Variants in TP63 observed in about 807,000 individuals in gnomAD.
TP63 encodes the protein tumor protein 63.
In TP63, 17 loss-of-function variants were observed where a neutral mutation model predicts 82.8. That is an observed-to-expected ratio of 0.21 (90% CI 0.14 to 0.31). The LOEUF is 0.31. Among genes scored for constraint, TP63 ranks in the 10% least tolerant of loss-of-function variants. The pLI is 1.00. For synonymous variants in TP63, 330 were observed against 321.7 expected (o/e 1.03, Z -0.28); for missense variants, 648 against 895.3 (o/e 0.72, Z 3.52).
At chr3:189,813,115 C>T (rs940249839) in intron 4 of TP63, among the ~76,000 whole-genome samples, 2 of 152,118 alleles carry the variant, frequency 1.3e-5, no homozygotes, top group African/African-American at 2.4e-5. Context: ...TTTTGACATT[C>T]GTTCCTCATT....
chr3:189,798,446 A>C (rs1357847907), intron 3 of TP63, among the ~76,000 whole-genome samples: 1 of 152,074 alleles, frequency 6.6e-6, no homozygotes, highest in East Asian at 1.9e-4. Flanking sequence ...AATTAGTGTA[A>C]AGTATGTGCT....
At chr3:189,855,538 C>T (rs1431222552) in intron 4 of TP63, among the ~76,000 whole-genome samples, 2 of 152,026 alleles carry the variant, frequency 1.3e-5, no homozygotes, top group Non-Finnish European at 2.9e-5. Context: ...TTATACTATT[C>T]TACTAAAAAG....
At chr3:189,823,482 C>G (rs1284807232) in intron 4 of TP63, among the ~76,000 whole-genome samples, 1 of 152,122 alleles carries the variant, frequency 6.6e-6, no homozygotes, top group African/African-American at 2.4e-5. Context: ...TGGAGCTGAG[C>G]ACTCAGTCGG....
At chr3:189,616,324 A>G in the TP63 span, among the ~76,000 whole-genome samples, 1 of 152,210 alleles carries the variant, frequency 6.6e-6, no homozygotes, top group Non-Finnish European at 1.5e-5. Context: ...GTAGACAGCA[A>G]AGCCCTAATT....
At chr3:189,805,674 G>T (rs753018142) in intron 3 of TP63, among the ~76,000 whole-genome samples, 3 of 152,306 alleles carry the variant, frequency 2.0e-5, no homozygotes, top group East Asian at 1.9e-4. Context: ...AGGCCAGTGA[G>T]TGTGCAAAGG....
chr3:189,649,828 GAACAGGGAAA>G (rs1712741891), intron 1 of TP63, among the ~76,000 whole-genome samples: 1 of 146,744 alleles, frequency 6.8e-6, no homozygotes, highest in African/African-American at 2.6e-5. Context: ...GAGTGAATAA[GAACAGGGAAA>G]TAGGAGAAGA....
At chr3:189,609,739 C>T in the TP63 span, among the ~76,000 whole-genome samples, 1 of 152,192 alleles carries the variant, frequency 6.6e-6, no homozygotes, top group Non-Finnish European at 1.5e-5. Context: ...GCGTAATATT[C>T]CATGGTGTAT....
At chr3:189,627,305 T>C (rs577093078), upstream of TP63, among the ~76,000 whole-genome samples, 13 of 152,312 alleles carry the variant, frequency 8.5e-5, no homozygotes, top group African/African-American at 3.1e-4. Flanking sequence ...ATTTCATTCT[T>C]AATAGCTAAA....
At chr3:189,678,540 T>G (rs1715642041) in intron 1 of TP63, among the ~76,000 whole-genome samples, 1 of 152,122 alleles carries the variant, frequency 6.6e-6, no homozygotes, top group South Asian at 2.1e-4. Flanking sequence ...TTTGTTCTTT[T>G]TGCTAAGGAT....
At chr3:189,771,184 A>G (rs1723311036) in intron 3 of TP63, among the ~76,000 whole-genome samples, 1 of 149,844 alleles carries the variant, frequency 6.7e-6, no homozygotes, top group African/African-American at 2.5e-5. Flanking sequence ...CAGGAGCTCC[A>G]AGTTGAATGA....
At chr3:189,693,470 T>C (rs1396755273) in intron 1 of TP63, among the ~76,000 whole-genome samples, 2 of 152,146 alleles carry the variant, frequency 1.3e-5, no homozygotes, top group Non-Finnish European at 2.9e-5. Context: ...ACCTGAACCA[T>C]GAATCTTTAT....
intron 12 of TP63, among the ~76,000 whole-genome samples, chr3:189,890,419 A>T (rs1462291805): frequency 6.6e-6 from 1 of 152,188 alleles, no homozygotes; most frequent in East Asian, 1.9e-4. Flanking sequence ...TAAAGTAGAG[A>T]TGTTCTTTTT....
intron 1 of TP63, among the ~76,000 whole-genome samples, chr3:189,709,418 AT>A (rs527440201): frequency 0.013 from 2,022 of 151,998 alleles, 46 homozygotes; most frequent in African/African-American, 0.046. Flanking sequence ...CCTATTTATG[AT>A]TTTTTTCTTT....
At chr3:189,851,311 C>A (rs1715596137) in intron 4 of TP63, among the ~76,000 whole-genome samples, 1 of 152,174 alleles carries the variant, frequency 6.6e-6, no homozygotes, top group African/African-American at 2.4e-5. Flanking sequence ...GTAATCCCAG[C>A]ACTTTGGGAG....
intron 3 of TP63, among the ~76,000 whole-genome samples, chr3:189,795,221 T>C (rs1725573759): frequency 1.3e-5 from 2 of 152,216 alleles, no homozygotes; most frequent in Non-Finnish European, 1.5e-5. Context: ...CAGCCACAAA[T>C]CATTTTGATT....
At chr3:189,762,266 G>A (rs779899973) in intron 3 of TP63, among the ~76,000 whole-genome samples, 1 of 152,128 alleles carries the variant, frequency 6.6e-6, no homozygotes, top group Non-Finnish European at 1.5e-5. Flanking sequence ...AACATATTTT[G>A]GTATAAAATA....
chr3:189,837,817 G>T (rs776309227), intron 4 of TP63, among the ~76,000 whole-genome samples: 42 of 152,022 alleles, frequency 2.8e-4, no homozygotes, highest in South Asian at 1.5e-3. Flanking sequence ...AGGGACAGGG[G>T]TTTTGCCATG....
At chr3:189,678,356 C>G (rs1230056500) in intron 1 of TP63, among the ~76,000 whole-genome samples, 1 of 151,770 alleles carries the variant, frequency 6.6e-6, no homozygotes, top group Non-Finnish European at 1.5e-5. Context: ...GATGCCCTTG[C>G]CCTAGTATAT....
At chr3:189,701,732 T>G (rs1415156196) in intron 1 of TP63, among the ~76,000 whole-genome samples, 1 of 151,754 alleles carries the variant, frequency 6.6e-6, no homozygotes, top group Non-Finnish European at 1.5e-5. Context: ...GGCGCTCCAT[T>G]CCTTTTCTAT....
Sources: allele counts gnomAD v4.1 joint callset (sites outside exome capture counted in the v4.1 genomes callset), GRCh38; gene constraint gnomAD v4.1.1; transcripts MANE v1.5; gene names NCBI Gene and HGNC (gene_info 2026-07-23, HGNC 2026-07-21).